CYLC2: variants seen among roughly 807,000 people sequenced by gnomAD.
CYLC2 encodes the protein cylicin-2.
CYLC2 carries 30 observed loss-of-function variants against 26.1 expected under a neutral mutation model. The observed-to-expected ratio is 1.15, with a 90% CI of 0.86 to 1.56. The LOEUF (loss-of-function observed/expected upper bound fraction) is 1.56. CYLC2 is among the 40% of genes most tolerant of loss of function. The pLI is 0.00. For missense variants in CYLC2, 498 were observed against 394.4 expected (o/e 1.26, Z -2.23); for synonymous variants, 158 against 132.8 (o/e 1.19, Z -1.31).
chr9:103,015,350 T>C (rs1321167408), intron 6 of CYLC2, among the ~76,000 whole-genome samples: 1 of 126,072 alleles, frequency 7.9e-6, no homozygotes, highest in East Asian at 2.2e-4. Flanking sequence ...TTATATATAT[T>C]ATATATAATC....
intron 3 of CYLC2, 142 bp from the exon 4 acceptor site, chr9:103,004,553 A>G (rs1019093063): frequency 9.8e-5 from 59 of 600,976 alleles, no homozygotes; most frequent in Admixed American, 3.9e-5. Context: ...AGCAAAATAA[A>G]GGATGAAATC....
At chr9:103,003,700 T>C (rs992541989) in intron 3 of CYLC2, among the ~76,000 whole-genome samples, 1 of 152,076 alleles carries the variant, frequency 6.6e-6, no homozygotes, top group Non-Finnish European at 1.5e-5. Context: ...AACCACACAT[T>C]GTAAAAATTG....
chr9:103,014,753 C>CCTA (rs1554713818), intron 6 of CYLC2, among the ~76,000 whole-genome samples: 3 of 26,122 alleles, frequency 1.1e-4, no homozygotes, highest in African/African-American at 3.0e-4. Context: ...ATGCAATATA[C>CCTA]ATATGTAATA....
At chr9:103,003,566 G>A (rs890406752) in intron 3 of CYLC2, among the ~76,000 whole-genome samples, 2 of 152,138 alleles carry the variant, frequency 1.3e-5, no homozygotes, top group African/African-American at 4.8e-5. Flanking sequence ...GCTATGAAAT[G>A]CCCTACTGAA....
At chr9:103,013,629 T>C (rs1480159426) in intron 6 of CYLC2, among the ~76,000 whole-genome samples, 2 of 112,264 alleles carry the variant, frequency 1.8e-5, no homozygotes, top group Non-Finnish European at 3.2e-5. Context: ...ATATGTTATA[T>C]AGATATATAT....
chr9:103,016,852 C>T (rs1829511616), intron 6 of CYLC2, 36 bp from the exon 7 acceptor site: 1 of 151,846 alleles, frequency 6.6e-6, no homozygotes, highest in South Asian at 2.1e-4. Flanking sequence ...AAAAATAATT[C>T]ATCTACATAA....
In CYLC2 at chr9:103,005,772, G is replaced by C; in HGVS notation, c.*94G>C. On this transcript the variant is annotated 3_prime_UTR_variant, in exon 5 of 8. Coordinates refer to ENST00000374798, the MANE Select transcript of CYLC2 (RefSeq NM_001340.5). Reference sequence around the variant, plus strand: ...TGCAGCTGAATTTGTGAGAAAACAAGAGGCCTCAAAGAATTAAATAATTTT... The same window carrying C: ...TGCAGCTGAATTTGTGAGAAAACAACAGGCCTCAAAGAATTAAATAATTTT... 1 of 1,330,280 alleles carries C rather than the reference G, an allele frequency of 7.5e-7. No individual in the cohort carries two copies. Among genetic ancestry groups the C allele is most frequent in the East Asian group, 2.3e-5 (1 of 43,194 alleles). 82.4% of individuals were successfully genotyped at this position (1,330,280 alleles called of 1,614,324 possible).
chr9:103,014,405 T>A (rs1351418549), intron 6 of CYLC2, among the ~76,000 whole-genome samples: 3 of 84,702 alleles, frequency 3.5e-5, no homozygotes, highest in Non-Finnish European at 7.0e-5. Context: ...ATAATGTATG[T>A]TACGTAATGT....
At position 103,014,541 on chromosome 9, in the gene CYLC2, GTATATTATGCAGTATACATCAT is replaced by G. The variant is rs1829469001; in HGVS notation, c.*817-2346_*817-2325del. ...ATAATATATGCAATATACATCATAT[GTATATTATGCAGTATACATCAT>G]ATGTATATTATGCAGTATACATCAT... On this transcript the variant is annotated intron_variant, in intron 6 of 7. Transcript: ENST00000374798. Among the ~76,000 whole-genome samples, 2 of 129,682 alleles carry G rather than the reference GTATATTATGCAGTATACATCAT, an allele frequency of 1.5e-5. 1 individual carries two copies. The highest frequency in any genetic ancestry group is 1.5e-4 in the Admixed American group (2 of 13,026). The allele number at this position is 129,682 out of a possible 152,430, so 85.1% of individuals were successfully genotyped here. A position where few individuals can be genotyped will look rare whatever the true frequency, so the allele number is the denominator to read the frequency against.
intron 1 of CYLC2, among the ~76,000 whole-genome samples, chr9:102,996,814 C>T (rs578110934): frequency 2.6e-5 from 4 of 151,898 alleles, no homozygotes; most frequent in Non-Finnish European, 5.9e-5. Context: ...TTCTCTAATA[C>T]CTTTGCTCTA....
intron 1 of CYLC2, among the ~76,000 whole-genome samples, chr9:102,998,741 A>T (rs1215812469): frequency 1.3e-5 from 2 of 151,982 alleles, no homozygotes; most frequent in Non-Finnish European, 2.9e-5. Flanking sequence ...TGATCACACA[A>T]AAAAGATACA....
rs1163308679 is a variant in CYLC2 at position 103,013,398 on chromosome 9, TA to T, written c.*816+1304del. The stretch of plus-strand genomic sequence containing the variant: ...ATATATTATATAAATATATATTATA[TA>T]AATATATATTTAATATATTGTGTAT... On this transcript the variant is annotated intron_variant, in intron 6 of 7. Coordinates refer to ENST00000374798, the MANE Select transcript of CYLC2 (RefSeq NM_001340.5). 9.7e-4 allele frequency among the ~76,000 whole-genome samples: 103 copies of T among 106,178 alleles called. 1 individual carries two copies. Among genetic ancestry groups the T allele is most frequent in the East Asian group, 5.3e-3 (19 of 3,616 alleles). 69.7% of individuals were successfully genotyped at this position (106,178 alleles called of 152,430 possible). A position where few individuals can be genotyped will look rare whatever the true frequency, so the allele number is the denominator to read the frequency against.
intron 6 of CYLC2, among the ~76,000 whole-genome samples, chr9:103,013,151 ATAAAT>A (rs1564100287): frequency 2.0e-4 from 7 of 35,118 alleles, no homozygotes; most frequent in African/African-American, 2.7e-4. Flanking sequence ...TATATCATAT[ATAAAT>A]ATATATTATA....
At chr9:103,011,834 A>G (rs1829409721) in intron 5 of CYLC2, 148 bp from the exon 6 acceptor site, 1 of 151,844 alleles carries the variant, frequency 6.6e-6, no homozygotes, top group Non-Finnish European at 1.5e-5. Flanking sequence ...AGAAAGTGAG[A>G]GTCCAGGAAA....
intron 7 of CYLC2, among the ~76,000 whole-genome samples, 182 bp downstream of exon 7, chr9:103,017,143 G>T (rs1227664428): frequency 6.6e-6 from 1 of 151,718 alleles, no homozygotes; most frequent in Non-Finnish European, 1.5e-5. Flanking sequence ...AAGAAATGGA[G>T]AATTAATTGG....
rs1426773910 is a variant in CYLC2, at chr9:103,003,281, T to C, written c.180+18T>C. 1 of 1,597,554 alleles carries C rather than the reference T, an allele frequency of 6.3e-7. No individual in the cohort carries two copies. The highest frequency in any genetic ancestry group is 8.6e-7 in the Non-Finnish European group (1 of 1,169,386). On this transcript the variant is annotated intron_variant, in intron 3 of 7. Coordinates refer to ENST00000374798, the MANE Select transcript of CYLC2 (RefSeq NM_001340.5). ...CGGTTTCTGTAAGCATTGGAAAGAT[T>C]TTATAATTATCAGTAATAAGTAATA... is the stretch of plus-strand genomic sequence containing the variant.
intron 5 of CYLC2, among the ~76,000 whole-genome samples, chr9:103,010,250 T>A (rs1829393487): frequency 6.6e-6 from 1 of 151,986 alleles, no homozygotes; most frequent in Non-Finnish European, 1.5e-5. Flanking sequence ...ATCAAGAAAA[T>A]CCTTGTAAAA....
At chr9:103,003,765 T>A (rs1829312466) in intron 3 of CYLC2, among the ~76,000 whole-genome samples, 5 of 152,104 alleles carry the variant, frequency 3.3e-5, no homozygotes, top group Admixed American at 3.3e-4. Context: ...GTGTGAACAT[T>A]CAGGAAATGT....
chr9:103,013,617 T>G (rs1036449650), intron 6 of CYLC2, among the ~76,000 whole-genome samples: 1 of 109,862 alleles, frequency 9.1e-6, no homozygotes, highest in African/African-American at 4.1e-5. Flanking sequence ...ATTTTATATA[T>G]AATATGTTAT....
Sources: gnomAD v4.1 joint callset for allele counts (sites outside exome capture counted in the v4.1 genomes callset) on GRCh38, gnomAD v4.1.1 for gene constraint, MANE v1.5 for transcripts, NCBI Gene and HGNC (gene_info 2026-07-23, HGNC 2026-07-21) for gene names.